IPP: variants seen among roughly 807,000 people sequenced by gnomAD.
IPP encodes intracisternal A particle-promoted polypeptide.
In IPP, 41 loss-of-function variants were observed where a neutral mutation model predicts 64.1. That is an observed-to-expected ratio of 0.64 (90% CI 0.50 to 0.83). The LOEUF (loss-of-function observed/expected upper bound fraction) is 0.83. Ranked by LOEUF, IPP falls within the 40% of genes least tolerant of loss-of-function variation. The probability of loss-of-function intolerance (pLI) is 0.00; values close to 1 mark genes in which losing one functional copy is unlikely to be tolerated. For missense variants in IPP, 649 were observed against 703.0 expected, an observed-to-expected ratio of 0.92 and a Z score of 0.87; for synonymous variants, 214 against 235.2, an observed-to-expected ratio of 0.91 and a Z score of 0.83.
In IPP at chr1:45,719,244, C is replaced by T. The variant is rs1371108445; in HGVS notation, c.1145G>A (p.Gly382Asp). Residue 382 changes from glycine (G) to aspartate (D), a missense_variant, in exon 6 of 9, where the codon GGC becomes GAC. By Grantham distance (94) the Gly-to-Asp change is moderately conservative. Transcript: ENST00000396478. ...TVASMNHPRCGLGVCVCYGAI... is the reference protein window; with the variant it reads ...TVASMNHPRCDLGVCVCYGAI... ...CCCATAACACACACACACTCCTAAGCCGCAGCGGGGATGATTCATCGAAGC... is the reference window on the plus strand; with the variant it reads ...CCCATAACACACACACACTCCTAAGTCGCAGCGGGGATGATTCATCGAAGC... 3 of 1,613,952 alleles carry T rather than the reference C, an allele frequency of 1.9e-6. No individual in the cohort carries two copies. Among genetic ancestry groups the T allele is most frequent in the Admixed American group, 1.7e-5 (1 of 60,012 alleles).
chr1:45,697,179 A>T (rs950493128), downstream of IPP: 6 of 152,238 alleles, frequency 3.9e-5, no homozygotes, highest in African/African-American at 1.4e-4. Flanking sequence ...TCTGCATTAC[A>T]TAAACTTTTC....
chr1:45,707,818 T>C (rs1265181335), intron 8 of IPP, among the ~76,000 whole-genome samples: 1 of 152,118 alleles, frequency 6.6e-6, no homozygotes, highest in African/African-American at 2.4e-5. Context: ...ACATTCCAAC[T>C]TGATTAAAGC....
rs558433577 is a variant in IPP, at chr1:45,729,599, T to G, written c.880+15A>C. The G allele has an allele frequency of 6.3e-7, 1 of 1,592,998 alleles. No homozygotes were observed. The highest frequency in any genetic ancestry group is 1.1e-5 in the South Asian group (1 of 88,022). On this transcript the variant is annotated intron_variant, in intron 4 of 8. Coordinates refer to ENST00000396478, the MANE Select transcript of IPP (RefSeq NM_005897.3). ...ACAAATATAATTTCTATTACTTTTT[T>G]AAGGGCTCTCTCACCTACTGCATAC...
chr1:45,726,060 G>C (rs1027690644), intron 5 of IPP, among the ~76,000 whole-genome samples: 4 of 145,922 alleles, frequency 2.7e-5, no homozygotes, highest in South Asian at 2.2e-4. Flanking sequence ...ATCCCCCTCT[G>C]CGAGAAACAC....
chr1:45,738,563 G>A (rs1464605679), intron 3 of IPP, among the ~76,000 whole-genome samples: 4 of 151,848 alleles, frequency 2.6e-5, no homozygotes, highest in African/African-American at 7.3e-5. Context: ...TATATAGGCC[G>A]GGCGTAGTGG....
intron 3 of IPP, among the ~76,000 whole-genome samples, chr1:45,731,304 G>A (rs1044977309): frequency 6.6e-6 from 1 of 152,100 alleles, no homozygotes; most frequent in Non-Finnish European, 1.5e-5. Flanking sequence ...AGCTGGGCGT[G>A]GTGGTATGAA....
At chr1:45,724,323 G>C (rs1156684223) in intron 5 of IPP, among the ~76,000 whole-genome samples, 26 of 151,110 alleles carry the variant, frequency 1.7e-4, no homozygotes, top group East Asian at 1.2e-3. Flanking sequence ...GCGTGATCTC[G>C]GCTCGCTACA....
intron 8 of IPP, among the ~76,000 whole-genome samples, chr1:45,707,871 G>C (rs1459949334): frequency 6.6e-6 from 1 of 151,882 alleles, no homozygotes; most frequent in Admixed American, 6.6e-5. Flanking sequence ...TTCCAAAAAG[G>C]TTAAACAAAA....
In IPP at chr1:45,741,323, T is replaced by A; in HGVS notation, c.302A>T (p.Asn101Ile). The change falls in exon 3 of 9, where the codon AAC becomes ATC. Residue 101 changes from asparagine (N) to isoleucine (I), a missense_variant. Physicochemically the swap from Asn to Ile is moderately radical, Grantham distance 149. Coordinates refer to ENST00000396478, the MANE Select transcript of IPP (RefSeq NM_005897.3). Reference protein sequence around the residue: ...LLDFIYTGIVNIGVNNVQELI... With the variant: ...LLDFIYTGIVIIGVNNVQELI... ...CTCCTGGACATTATTCACACCTATG[T>A]TCACTATACCTAGAGAAGTAGGAAG... 1.2e-6 allele frequency: 2 copies of A among 1,603,318 alleles called. No individual in the cohort carries two copies. Among genetic ancestry groups the A allele is most frequent in the Non-Finnish European group, 1.7e-6 (2 of 1,173,262 alleles).
At chr1:45,731,480 G>C (rs190285642) in intron 3 of IPP, among the ~76,000 whole-genome samples, 4 of 152,282 alleles carry the variant, frequency 2.6e-5, no homozygotes, top group African/African-American at 9.6e-5. Flanking sequence ...ACAACACATA[G>C]CCTTCAAATT....
At chr1:45,719,474 C>T in intron 5 of IPP, 134 bp from the exon 6 acceptor site, 3 of 565,724 alleles carry the variant, frequency 5.3e-6, no homozygotes, top group Non-Finnish European at 8.9e-6. Flanking sequence ...TATTCATTAA[C>T]TTTCATTTGC....
At chr1:45,702,794 C>A (rs1257159238) in intron 8 of IPP, among the ~76,000 whole-genome samples, 1 of 152,084 alleles carries the variant, frequency 6.6e-6, no homozygotes, top group African/African-American at 2.4e-5. Flanking sequence ...AAACTAAAAT[C>A]TATTCATTTC....
In IPP at chr1:45,699,984, C is replaced by G; in HGVS notation, c.1737G>C (p.Gly579=). 1 of 1,614,170 alleles carries G rather than the reference C, an allele frequency of 6.2e-7. No homozygotes were observed. The change falls in exon 9 of 9, where the codon GGG becomes GGC. Residue 579 remains glycine (G), a synonymous_variant. Transcript: ENST00000396478. ...TTATATTTCATAGCACAGCAACGCCCCCTTCACAACGACTGGTGATCATGT... is the reference window on the plus strand; with the variant it reads ...TTATATTTCATAGCACAGCAACGCCGCCTTCACAACGACTGGTGATCATGT... ...IGNMITSRCE[G]GVAVL is the part of the protein sequence containing the mutation.
chr1:45,745,477 C>G (rs1646121374), intron 2 of IPP, among the ~76,000 whole-genome samples: 1 of 151,784 alleles, frequency 6.6e-6, no homozygotes, highest in African/African-American at 2.4e-5. Context: ...TTTGTTAGAT[C>G]TCATTTGTGA....
In IPP at chr1:45,729,720, C is replaced by A. The variant is rs372124698; in HGVS notation, c.774G>T (p.Glu258Asp). The change falls in exon 4 of 9, where the codon GAG (glutamate) becomes GAT (aspartate). Residue 258 changes from glutamate to aspartate, a missense_variant. Glu to Asp is a conservative substitution (Grantham distance 45). Transcript: ENST00000396478. ...LRVALQTLLK[E>D]YCEVCKSPKE... ...TGGGAGATTTGCATACTTCACAGTA[C>A]TCTTTCAGAAGTGTTTGCAATGCAA... is the stretch of plus-strand genomic sequence containing the variant. 25 of 1,606,176 alleles carry A rather than the reference C, an allele frequency of 1.6e-5. No homozygotes were observed. The East Asian group carries it at 2.7e-4, about 17-fold the overall frequency.
chr1:45,746,457 C>T lies in IPP; in HGVS notation c.-46G>A. On this transcript the variant is annotated 5_prime_UTR_variant, in exon 2 of 9. Coordinates refer to ENST00000396478, the MANE Select transcript of IPP (RefSeq NM_005897.3). ...AAGGACTGTTGCCCATAATCTGTTA[C>T]TACCCTGAAAAACAAAATACAAAGA... 1 of 1,483,926 alleles carries T rather than the reference C, an allele frequency of 6.7e-7. No individual in the cohort carries two copies. The highest frequency in any genetic ancestry group is 9.2e-7 in the Non-Finnish European group (1 of 1,086,080). The allele number at this position is 1,483,926 out of a possible 1,614,324, so 91.9% of individuals were successfully genotyped here.
intron 6 of IPP, among the ~76,000 whole-genome samples, chr1:45,717,243 A>AAAAAAAAAC (rs1557744912): frequency 7.0e-6 from 1 of 142,396 alleles, no homozygotes; most frequent in African/African-American, 2.6e-5. Flanking sequence ...AAAAAAAAAA[A>AAAAAAAAAC]AGGAATTCAA....
In IPP at chr1:45,700,121, G is replaced by A. The variant is rs147854966; in HGVS notation, c.1600C>T (p.Leu534Phe). ...AGMCVVAVNG[L>F]LYVSGGRSSS... ...GATCGACCTCCAGAAACATACAGAA[G>A]ACCATTGACTGCCACAACACACATG... Residue 534 changes from leucine to phenylalanine, a missense_variant, in exon 9 of 9, where the codon CTT (leucine) becomes TTT (phenylalanine). Physicochemically the swap from Leu to Phe is conservative, Grantham distance 22 (BLOSUM62 0). Coordinates refer to ENST00000396478, the MANE Select transcript of IPP (RefSeq NM_005897.3). 1.1e-5 allele frequency: 17 copies of A among 1,613,720 alleles called. No individual in the cohort carries two copies. The African/African-American group carries it at 2.1e-4, about 20-fold the overall frequency.
chr1:45,733,703 G>C lies in IPP; in HGVS notation c.725-3934C>G, dbSNP rs1389034236. The stretch of plus-strand genomic sequence containing the variant: ...AAAAATTAGTCGGGTGTGGCGGTGG[G>C]CATCTGTAATCCCAGCTACTCGGGA... On this transcript the variant is annotated intron_variant, in intron 3 of 8. Coordinates refer to ENST00000396478, the MANE Select transcript of IPP (RefSeq NM_005897.3). Among the ~76,000 whole-genome samples the C allele has an allele frequency of 2.0e-5, 3 of 151,648 alleles. No individual in the cohort carries two copies. The East Asian group carries it at 5.8e-4, about 29-fold the overall frequency.
Sources: allele counts gnomAD v4.1 joint callset (sites outside exome capture counted in the v4.1 genomes callset), GRCh38; gene constraint gnomAD v4.1.1; transcripts MANE v1.5; gene names NCBI Gene and HGNC (gene_info 2026-07-23, HGNC 2026-07-21).